TLK1: variants seen among roughly 807,000 people sequenced by gnomAD.
TLK1 encodes the protein serine/threonine-protein kinase tousled-like 1.
In TLK1, 24 loss-of-function variants were observed where a neutral mutation model predicts 105.3. The observed-to-expected ratio is 0.23, with a 90% CI of 0.17 to 0.32. The LOEUF is 0.32. Ranked by LOEUF, TLK1 falls within the 10% of genes least tolerant of loss-of-function variation. The probability of loss-of-function intolerance (pLI) is 1.00; values close to 1 mark genes in which losing one functional copy is unlikely to be tolerated. For missense variants in TLK1, 558 were observed against 910.5 expected, an observed-to-expected ratio of 0.61 and a Z score of 4.98; for synonymous variants, 321 against 310.4, an observed-to-expected ratio of 1.03 and a Z score of -0.36.
intron 11 of TLK1, among the ~76,000 whole-genome samples, chr2:171,038,408 C>T (rs1002630534): frequency 6.6e-6 from 1 of 152,020 alleles, no homozygotes; most frequent in African/African-American, 2.4e-5. Flanking sequence ...TGATTAGTTT[C>T]TAAAGTTTTA....
chr2:171,187,990 A>T (rs74888848), intron 1 of TLK1, among the ~76,000 whole-genome samples: 5,656 of 152,282 alleles, frequency 0.037, 348 homozygotes, highest in African/African-American at 0.13. Flanking sequence ...TCTGGACTGA[A>T]TTACAAAGTC....
At chr2:171,143,562 T>TAAAAAAAAAAAAAAAAAAAAAAAA (rs1691675448) in intron 1 of TLK1, among the ~76,000 whole-genome samples, 1 of 75,538 alleles carries the variant, frequency 1.3e-5, no homozygotes, top group Non-Finnish European at 2.7e-5. Context: ...AAAAAAAAGG[T>TAAAAAAAAAAAAAAAAAAAAAAAA]GGGGGAGGTG....
chr2:171,137,011 T>C (rs1168267035), intron 1 of TLK1, among the ~76,000 whole-genome samples: 3 of 152,228 alleles, frequency 2.0e-5, no homozygotes, highest in Admixed American at 2.0e-4. Flanking sequence ...GCACCTGTCG[T>C]AGTTGTGACA....
intron 1 of TLK1, among the ~76,000 whole-genome samples, chr2:171,230,772 G>A (rs149937484): frequency 4.7e-4 from 71 of 152,310 alleles, no homozygotes; most frequent in African/African-American, 1.7e-3. Flanking sequence ...TTCTGGGCTT[G>A]ATGTCAGAAC....
At chr2:171,131,815 A>C (rs975231808) in intron 1 of TLK1, among the ~76,000 whole-genome samples, 3 of 152,100 alleles carry the variant, frequency 2.0e-5, no homozygotes, top group Admixed American at 6.5e-5. Context: ...ATTTTCTTCC[A>C]GTCTTTTTTT....
At position 171,053,868 on chromosome 2, in the gene TLK1, G is replaced by A. The variant is rs768759932; in HGVS notation, c.640-15C>T. 1 of 1,555,994 alleles carries A rather than the reference G, an allele frequency of 6.4e-7. No homozygotes were observed. Among genetic ancestry groups the A allele is most frequent in the Non-Finnish European group, 8.7e-7 (1 of 1,149,766 alleles). ...GTGAGATCAGTCTAAATGAAAAAAAGTTATTTTATTATCTCCATTATATAT... is the reference window on the plus strand; with the variant it reads ...GTGAGATCAGTCTAAATGAAAAAAAATTATTTTATTATCTCCATTATATAT... On this transcript the variant is annotated splice_polypyrimidine_tract_variant and intron_variant, in intron 7 of 20. Coordinates refer to ENST00000431350, the MANE Select transcript of TLK1 (RefSeq NM_012290.5).
intron 13 of TLK1, 62 bp from the exon 14 acceptor site, chr2:171,011,516 T>C: frequency 7.2e-7 from 1 of 1,397,286 alleles, no homozygotes; most frequent in Non-Finnish European, 9.9e-7. Context: ...CCTTCTACAC[T>C]GAAGTTCTAC....
At chr2:171,036,708 A>T (rs1575537951) in intron 11 of TLK1, among the ~76,000 whole-genome samples, 1 of 152,312 alleles carries the variant, frequency 6.6e-6, no homozygotes, top group South Asian at 2.1e-4. Context: ...CAGATGAAGA[A>T]AAACTGTGTC....
chr2:171,093,290 T>C (rs999198948), intron 2 of TLK1, among the ~76,000 whole-genome samples: 3 of 152,178 alleles, frequency 2.0e-5, no homozygotes, highest in East Asian at 3.9e-4. Flanking sequence ...GGGAAAAATT[T>C]TGTCTAGGTA....
chr2:171,128,144 G>A (rs980544116), intron 1 of TLK1, among the ~76,000 whole-genome samples: 1 of 152,080 alleles, frequency 6.6e-6, no homozygotes, highest in Non-Finnish European at 1.5e-5. Context: ...CAAATACTCT[G>A]AGACCAAATA....
At chr2:171,071,996 T>C (rs910151774) in intron 3 of TLK1, among the ~76,000 whole-genome samples, 2 of 152,248 alleles carry the variant, frequency 1.3e-5, no homozygotes, top group Non-Finnish European at 2.9e-5. Context: ...TTTTGATTAC[T>C]ATAGCTTTGT....
chr2:171,028,335 A>C lies in TLK1; in HGVS notation c.1236+4T>G. On this transcript the variant is annotated splice_donor_region_variant and intron_variant, in intron 12 of 20. Transcript: ENST00000431350. ...ACTAAAAATGCAGCATATGTTTCAC[A>C]TACCTTTTTGAGATGTCCTAGTCTA... 2 of 1,597,800 alleles carry C rather than the reference A, an allele frequency of 1.3e-6. No homozygotes were observed. Among genetic ancestry groups the C allele is most frequent in the Non-Finnish European group, 1.7e-6 (2 of 1,166,076 alleles).
chr2:171,130,530 T>TA (rs1485789462), intron 1 of TLK1, among the ~76,000 whole-genome samples: 1 of 57,588 alleles, frequency 1.7e-5, no homozygotes, highest in Non-Finnish European at 3.6e-5. Context: ...CTGGACCATA[T>TA]TAGCCTAAAT....
intron 2 of TLK1, among the ~76,000 whole-genome samples, chr2:171,108,281 G>A (rs1403814893): frequency 6.6e-6 from 1 of 152,020 alleles, no homozygotes; most frequent in East Asian, 1.9e-4. Flanking sequence ...AATTTTAAGG[G>A]GAACAAACCC....
intron 14 of TLK1, among the ~76,000 whole-genome samples, chr2:171,009,319 T>TTG (rs1684798812): frequency 1.4e-5 from 1 of 72,426 alleles, no homozygotes; most frequent in African/African-American, 3.6e-5. Flanking sequence ...TTTTTTTTTT[T>TTG]GAGAGAAAAT....
intron 3 of TLK1, among the ~76,000 whole-genome samples, chr2:171,079,291 T>A (rs1688645909): frequency 1.3e-5 from 2 of 152,202 alleles, no homozygotes; most frequent in Non-Finnish European, 2.9e-5. Context: ...AAGGAAGACC[T>A]CTTTGCTTCC....
At chr2:171,086,906 T>G (rs1017671487) in intron 2 of TLK1, among the ~76,000 whole-genome samples, 1 of 152,170 alleles carries the variant, frequency 6.6e-6, no homozygotes, top group Non-Finnish European at 1.5e-5. Flanking sequence ...TAACTCTGCC[T>G]ACTTCTTTGG....
intron 2 of TLK1, among the ~76,000 whole-genome samples, chr2:171,108,841 C>T (rs973141976): frequency 6.6e-6 from 1 of 152,158 alleles, no homozygotes; most frequent in African/African-American, 2.4e-5. Context: ...AGTGATCCAC[C>T]TGCCCCCGCC....
intron 1 of TLK1, among the ~76,000 whole-genome samples, chr2:171,222,993 T>A (rs1297566709): frequency 6.6e-6 from 1 of 152,082 alleles, no homozygotes; most frequent in Non-Finnish European, 1.5e-5. Context: ...TTTTGTATTT[T>A]TAGTAGAGAC....
Sources: allele counts gnomAD v4.1 joint callset (sites outside exome capture counted in the v4.1 genomes callset), GRCh38; gene constraint gnomAD v4.1.1; transcripts MANE v1.5; gene names NCBI Gene and HGNC (gene_info 2026-07-23, HGNC 2026-07-21).